Variants in CNTN3 observed in about 807,000 individuals in gnomAD.
CNTN3 encodes contactin 3, also known as contactin-3.
In CNTN3, 60 loss-of-function variants were observed where a neutral mutation model predicts 119.1. The ratio of observed to expected loss-of-function variants is 0.50; its 90% CI spans 0.41 to 0.62. The LOEUF (loss-of-function observed/expected upper bound fraction) is 0.62, where lower values mean the gene tolerates loss of function less well. CNTN3 is among the 20% of genes least tolerant of loss of function. The pLI is 0.00. For synonymous variants in CNTN3, 450 were observed against 438.7 expected (o/e 1.03, Z -0.32); for missense variants, 1,101 against 1,242.4 (o/e 0.89, Z 1.71).
At chr3:74,316,105 C>G (rs1396700988) in intron 13 of CNTN3, among the ~76,000 whole-genome samples, 1 of 152,070 alleles carries the variant, frequency 6.6e-6, no homozygotes, top group African/African-American at 2.4e-5. Context: ...CAATAAATGT[C>G]TAAGATTCAG....
chr3:74,304,258 C>A (rs1702515787), intron 13 of CNTN3, among the ~76,000 whole-genome samples: 2 of 152,192 alleles, frequency 1.3e-5, no homozygotes, highest in Non-Finnish European at 2.9e-5. Flanking sequence ...GTTAAGCTTG[C>A]ATGTTTTACT....
chr3:74,521,015 A>T, intron 2 of CNTN3, 43 bp downstream of exon 2: 1 of 1,227,638 alleles, frequency 8.1e-7, no homozygotes, highest in Non-Finnish European at 1.2e-6. Flanking sequence ...TGACTCGAGT[A>T]TACTTCTAAC....
At chr3:74,435,894 G>A (rs529172153) in intron 4 of CNTN3, among the ~76,000 whole-genome samples, 2 of 152,184 alleles carry the variant, frequency 1.3e-5, no homozygotes, top group Admixed American at 6.5e-5. Context: ...CCCGCCTGCA[G>A]CCTCTCTCCT....
chr3:74,362,715 T>TAAA (rs149184056), intron 10 of CNTN3, among the ~76,000 whole-genome samples: 3 of 149,684 alleles, frequency 2.0e-5, no homozygotes, highest in African/African-American at 7.3e-5. Flanking sequence ...GGTATGTTAA[T>TAAA]AAAAAAAAAA....
intron 3 of CNTN3, among the ~76,000 whole-genome samples, chr3:74,491,408 T>TGAGAAGACTAAGGTGAGA (rs1702961626): frequency 6.6e-6 from 1 of 151,588 alleles, no homozygotes; most frequent in African/African-American, 2.4e-5. Context: ...GAGACTAAGG[T>TGAGAAGACTAAGGTGAGA]GAGAGGGCTT....
intron 5 of CNTN3, among the ~76,000 whole-genome samples, chr3:74,416,126 C>T (rs1416536494): frequency 6.6e-6 from 1 of 152,148 alleles, no homozygotes; most frequent in South Asian, 2.1e-4. Flanking sequence ...TTTCTAGAAC[C>T]ATGTTTTCTA....
chr3:74,583,372 C>A (rs1394737306), intron 1 of CNTN3, among the ~76,000 whole-genome samples: 3 of 149,946 alleles, frequency 2.0e-5, no homozygotes, highest in Non-Finnish European at 3.0e-5. Context: ...TGGAAAAGTT[C>A]TTAGTAATTA....
chr3:74,458,022 C>G lies in CNTN3; in HGVS notation c.358+28434G>C, dbSNP rs79379338. ...GACACCTTTGAAAATAAAAATAAGA[C>G]TAGGCATGAAGCAGGGTAAATAGGT... On this transcript the variant is annotated intron_variant, in intron 4 of 22. Transcript: ENST00000263665. Among the ~76,000 whole-genome samples the G allele has an allele frequency of 9.2e-4, 140 of 152,092 alleles. 2 individuals carry two copies. In the East Asian group the frequency reaches 0.021, roughly 23 times the overall value.
chr3:74,287,055 T>C (rs1423020770), intron 19 of CNTN3, among the ~76,000 whole-genome samples: 1 of 152,180 alleles, frequency 6.6e-6, no homozygotes, highest in Non-Finnish European at 1.5e-5. Context: ...TGTTGAATTG[T>C]TGAATGACCT....
chr3:74,567,670 A>G (rs1251689839), intron 1 of CNTN3, among the ~76,000 whole-genome samples: 2 of 152,224 alleles, frequency 1.3e-5, no homozygotes, highest in Non-Finnish European at 2.9e-5. Flanking sequence ...GAAGACAAAG[A>G]GTGGATCATT....
chr3:74,351,837 T>C (rs1703823779), intron 11 of CNTN3, among the ~76,000 whole-genome samples: 1 of 152,184 alleles, frequency 6.6e-6, no homozygotes, highest in Admixed American at 6.5e-5. Context: ...CTCCTGATTA[T>C]CTTCACTCTT....
At chr3:74,270,949 A>T (rs1408888135) in intron 20 of CNTN3, among the ~76,000 whole-genome samples, 1 of 152,220 alleles carries the variant, frequency 6.6e-6, no homozygotes, top group Non-Finnish European at 1.5e-5. Context: ...AATTGACAGG[A>T]TACACATAAT....
rs1703872727 is a variant in CNTN3, at chr3:74,353,804, T to C, written c.1364+8086A>G. ...TAAATAAAATAAAATTAAGGCATAA[T>C]TTAAATACAGTATAATACACCTTTT... On this transcript the variant is annotated intron_variant, in intron 11 of 22. Transcript: ENST00000263665. Among the ~76,000 whole-genome samples the C allele has an allele frequency of 3.9e-5, 6 of 152,162 alleles. No individual in the cohort carries two copies. The South Asian group carries it at 1.2e-3, about 32-fold the overall frequency.
intron 11 of CNTN3, among the ~76,000 whole-genome samples, chr3:74,358,051 G>A (rs764929365): frequency 1.5e-4 from 23 of 152,140 alleles, no homozygotes; most frequent in Non-Finnish European, 2.8e-4. Flanking sequence ...CTGATTTCCC[G>A]TGGACTTGGA....
chr3:74,485,273 ATAAACT>A (rs1702831631), intron 4 of CNTN3, among the ~76,000 whole-genome samples: 1 of 152,130 alleles, frequency 6.6e-6, no homozygotes, highest in African/African-American at 2.4e-5. Context: ...CTCTGAAAAA[ATAAACT>A]TAAATTCTGT....
chr3:74,572,524 C>T (rs1032020628), intron 1 of CNTN3, among the ~76,000 whole-genome samples: 7 of 151,574 alleles, frequency 4.6e-5, no homozygotes, highest in African/African-American at 1.2e-4. Context: ...AAAAGGAAAA[C>T]GCAAAATGGT....
intron 5 of CNTN3, among the ~76,000 whole-genome samples, chr3:74,389,705 G>T (rs758364948): frequency 2.8e-4 from 42 of 152,176 alleles, no homozygotes; most frequent in Non-Finnish European, 5.9e-4. Flanking sequence ...CATAATAAGT[G>T]GGGGAAGCAG....
At chr3:74,396,746 GAAAA>G (rs61397069) in intron 5 of CNTN3, among the ~76,000 whole-genome samples, 3 of 98,820 alleles carry the variant, frequency 3.0e-5, no homozygotes, top group Admixed American at 2.5e-4. Context: ...TTCCGCCTCA[GAAAA>G]AAAAAAAAAA....
chr3:74,399,385 A>C (rs1443920393), intron 5 of CNTN3, among the ~76,000 whole-genome samples: 1 of 152,138 alleles, frequency 6.6e-6, no homozygotes, highest in Non-Finnish European at 1.5e-5. Flanking sequence ...ATGCATGAGA[A>C]CATGTGGTAA....
Sources: gnomAD v4.1 joint callset for allele counts (sites outside exome capture counted in the v4.1 genomes callset) on GRCh38, gnomAD v4.1.1 for gene constraint, MANE v1.5 for transcripts, NCBI Gene and HGNC (gene_info 2026-07-23, HGNC 2026-07-21) for gene names.